Variants in ARFGEF3 observed in about 807,000 individuals in gnomAD.
The protein encoded by ARFGEF3 is brefeldin A-inhibited guanine nucleotide-exchange protein 3.
ARFGEF3 carries 96 observed loss-of-function variants against 221.7 expected under a neutral mutation model. The ratio of observed to expected loss-of-function variants is 0.43; its 90% CI spans 0.37 to 0.51. The LOEUF (loss-of-function observed/expected upper bound fraction) is 0.51. ARFGEF3 is among the 20% of genes least tolerant of loss of function. The pLI, the probability that ARFGEF3 is intolerant of heterozygous loss-of-function variation, is 0.00. For missense variants in ARFGEF3, 2,410 were observed against 2,789.9 expected, an observed-to-expected ratio of 0.86 and a Z score of 3.07; for synonymous variants, 1,145 against 1,126.8, an observed-to-expected ratio of 1.02 and a Z score of -0.32.
intron 2 of ARFGEF3, among the ~76,000 whole-genome samples, chr6:138,191,505 C>G (rs902723582): frequency 2.0e-5 from 3 of 152,110 alleles, no homozygotes; most frequent in Non-Finnish European, 2.9e-5. Flanking sequence ...TTAATTCTCT[C>G]TACTCGCTGG....
At chr6:138,231,066 G>T (rs1428768091) in intron 5 of ARFGEF3, among the ~76,000 whole-genome samples, 1 of 152,186 alleles carries the variant, frequency 6.6e-6, no homozygotes, top group Non-Finnish European at 1.5e-5. Flanking sequence ...ACAAGGAGCA[G>T]AGGGTCTTCA....
rs1179967267 is a variant in ARFGEF3, at chr6:138,334,694, C to T, written c.5848C>T (p.Pro1950Ser). 1.2e-6 allele frequency: 2 copies of T among 1,611,254 alleles called. No individual in the cohort carries two copies. Among genetic ancestry groups the T allele is most frequent in the East Asian group, 2.2e-5 (1 of 44,820 alleles). ...CTCCTTCCAGTCCGAGTCATCCACC[C>T]CATCCACCGGGGGCTTCTCTGGGAA... ...LPSFQSESST[P>S]STGGFSGKET... is the part of the protein sequence containing the mutation. The change falls in exon 33 of 34, where the codon CCA (proline) becomes TCA (serine). Residue 1950 changes from proline (P) to serine (S), a missense_variant. Pro to Ser is a moderately conservative substitution (Grantham distance 74). Transcript: ENST00000251691. The surrounding 1 kb of genome is among the most constrained non-coding windows in gnomAD (Gnocchi z 5.1).
In ARFGEF3 at chr6:138,268,590, T is replaced by G. The variant is rs186773543; in HGVS notation, c.2128+4979T>G. ...AAAATGTTCGGGCAAATAAAGTACG[T>G]TTTTTATAAAGACAGTGCTTGACAT... On this transcript the variant is annotated intron_variant, in intron 12 of 33. Coordinates refer to ENST00000251691, the MANE Select transcript of ARFGEF3 (RefSeq NM_020340.5). Among the ~76,000 whole-genome samples the G allele has an allele frequency of 1.3e-3, 204 of 152,280 alleles. 1 individual carries two copies. The highest frequency in any genetic ancestry group is 2.2e-3 in the Non-Finnish European group (150 of 68,020).
At chr6:138,307,473 ATT>A in intron 23 of ARFGEF3, 76 bp downstream of exon 23, 10 of 1,142,806 alleles carry the variant, frequency 8.8e-6, no homozygotes, top group Non-Finnish European at 1.1e-5. Flanking sequence ...AAAAAAAAAA[ATT>A]GAACAATAGG....
intron 31 of ARFGEF3, among the ~76,000 whole-genome samples, chr6:138,327,288 A>T (rs555405349): frequency 2.6e-5 from 4 of 152,082 alleles, no homozygotes; most frequent in South Asian, 4.2e-4. Context: ...AAAAATTTTT[A>T]AAAATAGCTG....
intron 22 of ARFGEF3, among the ~76,000 whole-genome samples, chr6:138,299,371 C>T (rs1175708485): frequency 6.6e-6 from 1 of 151,672 alleles, no homozygotes; most frequent in Admixed American, 6.6e-5. Context: ...GGCTTTGAAC[C>T]TAGGCAATCT....
At chr6:138,229,640 G>A in intron 4 of ARFGEF3, 144 bp from the exon 5 acceptor site, 1 of 643,128 alleles carries the variant, frequency 1.6e-6, no homozygotes, top group Non-Finnish European at 2.8e-6. Context: ...TGAGAAAGCA[G>A]TGGGTGGGAT....
chr6:138,238,059 A>G (rs946281956), intron 5 of ARFGEF3, among the ~76,000 whole-genome samples: 3 of 152,248 alleles, frequency 2.0e-5, no homozygotes, highest in Non-Finnish European at 2.9e-5. Flanking sequence ...GAACACAGCT[A>G]GAGGGTTGAC....
chr6:138,215,997 G>C (rs1326432631), intron 4 of ARFGEF3: 2 of 150,916 alleles, frequency 1.3e-5, no homozygotes, highest in Admixed American at 1.3e-4. Context: ...TTTTTGGGTG[G>C]GGGGGAGTTT....
intron 2 of ARFGEF3, among the ~76,000 whole-genome samples, chr6:138,200,329 A>C (rs1777510717): frequency 6.6e-6 from 1 of 152,164 alleles, no homozygotes; most frequent in African/African-American, 2.4e-5. Context: ...AACAATTCTA[A>C]AATTCATATG....
At chr6:138,241,098 A>G (rs1778387716) in intron 6 of ARFGEF3, among the ~76,000 whole-genome samples, 1 of 152,216 alleles carries the variant, frequency 6.6e-6, no homozygotes, top group Non-Finnish European at 1.5e-5. Flanking sequence ...AAAGGCCTCA[A>G]GTATATCCAA....
chr6:138,322,668 G>A (rs376202765), intron 29 of ARFGEF3, among the ~76,000 whole-genome samples: 67 of 151,880 alleles, frequency 4.4e-4, no homozygotes, highest in African/African-American at 1.3e-3. Context: ...GGTGGCGGGC[G>A]CCTGTAGTCC....
chr6:138,163,014 AT>A (rs2114413826), intron 1 of ARFGEF3, among the ~76,000 whole-genome samples: 1 of 152,330 alleles, frequency 6.6e-6, no homozygotes, highest in East Asian at 1.9e-4. Context: ...GCCTGATGTG[AT>A]GCCTCAGTTG....
rs987403631 is a variant in ARFGEF3 at position 138,341,411 on chromosome 6, A to G, written c.*4925A>G. 7 of 154,878 alleles carry G rather than the reference A, an allele frequency of 4.5e-5. No homozygotes were observed. The highest frequency in any genetic ancestry group is 2.0e-4 in the South Asian group (1 of 4,928). 9.6% of individuals were successfully genotyped at this position (154,878 alleles called of 1,614,324 possible). A position where few individuals can be genotyped will look rare whatever the true frequency, so the allele number is the denominator to read the frequency against. On this transcript the variant is annotated 3_prime_UTR_variant, in exon 34 of 34. Coordinates refer to ENST00000251691, the MANE Select transcript of ARFGEF3 (RefSeq NM_020340.5). ...TGTGCCATAACATCTACACATTTCC[A>G]CTTGTTTTACAGACAAGGTAACAGG...
chr6:138,223,521 CT>C (rs1161600259), intron 4 of ARFGEF3, among the ~76,000 whole-genome samples: 1 of 152,114 alleles, frequency 6.6e-6, no homozygotes, highest in East Asian at 1.9e-4. Flanking sequence ...TAAATAACAT[CT>C]GATATTTTGA....
rs2294443 is a variant in ARFGEF3 at position 138,313,759 on chromosome 6, C to G, written c.4201-36C>G. 1.9e-6 allele frequency: 3 copies of G among 1,576,592 alleles called. No individual in the cohort carries two copies. In the African/African-American group the frequency reaches 4.1e-5, roughly 21 times the overall value. ...AAACCCACAATGCAGCTTTTTCCAACATATAATTGCAGTTTGTCTTTTTAT... is the reference window on the plus strand; with the variant it reads ...AAACCCACAATGCAGCTTTTTCCAAGATATAATTGCAGTTTGTCTTTTTAT... On this transcript the variant is annotated intron_variant, in intron 25 of 33. Coordinates refer to ENST00000251691, the MANE Select transcript of ARFGEF3 (RefSeq NM_020340.5).
intron 2 of ARFGEF3, among the ~76,000 whole-genome samples, chr6:138,179,687 T>C (rs947370954): frequency 2.0e-5 from 3 of 152,224 alleles, no homozygotes; most frequent in African/African-American, 4.8e-5. Context: ...CATAACAGCT[T>C]CCCATTTCTC....
chr6:138,259,925 A>G (rs927945345), intron 10 of ARFGEF3, among the ~76,000 whole-genome samples: 1 of 151,972 alleles, frequency 6.6e-6, no homozygotes, highest in Non-Finnish European at 1.5e-5. Flanking sequence ...AAAAAAAAAA[A>G]TTATCGAATT....
In ARFGEF3 at chr6:138,258,323, G is replaced by A. The variant is rs893274482; in HGVS notation, c.1104+2554G>A. On this transcript the variant is annotated intron_variant, in intron 10 of 33. Coordinates refer to ENST00000251691, the MANE Select transcript of ARFGEF3 (RefSeq NM_020340.5). ...GGTTAATTGCAACAGGCTAGATACCGCTGCCACTTCACATTAGCTTATTTA... is the reference window on the plus strand; with the variant it reads ...GGTTAATTGCAACAGGCTAGATACCACTGCCACTTCACATTAGCTTATTTA... Among the ~76,000 whole-genome samples, 5 of 152,096 alleles carry A rather than the reference G, an allele frequency of 3.3e-5. No individual in the cohort carries two copies. In the East Asian group the frequency reaches 5.8e-4, roughly 18 times the overall value.
Sources: gnomAD v4.1 joint callset for allele counts (sites outside exome capture counted in the v4.1 genomes callset) on GRCh38, gnomAD v4.1.1 for gene constraint, Gnocchi (gnomAD v3.1) non-coding constraint, MANE v1.5 for transcripts, NCBI Gene and HGNC (gene_info 2026-07-23, HGNC 2026-07-21) for gene names.